The following SPATA16 variants were observed in gnomAD, a reference collection of about 807,000 sequenced individuals.
SPATA16 encodes the protein spermatogenesis associated 16.
In SPATA16, 36 loss-of-function variants were observed where a neutral mutation model predicts 63.3. That is an observed-to-expected ratio of 0.57 (90% CI 0.44 to 0.75). The LOEUF (loss-of-function observed/expected upper bound fraction) is 0.75. SPATA16 is among the 30% of genes least tolerant of loss of function. The probability of loss-of-function intolerance (pLI) is 0.00; values close to 1 mark genes in which losing one functional copy is unlikely to be tolerated. For missense variants in SPATA16, 646 were observed against 679.3 expected, an observed-to-expected ratio of 0.95 and a Z score of 0.54; for synonymous variants, 203 against 216.7, an observed-to-expected ratio of 0.94 and a Z score of 0.56.
intron 3 of SPATA16, among the ~76,000 whole-genome samples, chr3:173,021,339 G>A (rs1407783602): frequency 6.6e-6 from 1 of 152,106 alleles, no homozygotes; most frequent in Non-Finnish European, 1.5e-5. Context: ...CTTTCCTATG[G>A]TGATTTCTGA....
rs537028284 is a variant in SPATA16, at chr3:173,076,091, G to A, written c.613-26997C>T. The stretch of plus-strand genomic sequence containing the variant: ...GTAAAAAATAAAAAGTAAACAAGAA[G>A]GAAGAAGCAGGTTTAGCACATCTTA... On this transcript the variant is annotated intron_variant, in intron 2 of 10. Coordinates refer to ENST00000351008, the MANE Select transcript of SPATA16 (RefSeq NM_031955.6). Among the ~76,000 whole-genome samples, 4 of 152,034 alleles carry A rather than the reference G, an allele frequency of 2.6e-5. No individual in the cohort carries two copies. The South Asian group carries it at 6.2e-4, about 24-fold the overall frequency.
At chr3:173,014,461 G>A (rs1174915552) in intron 4 of SPATA16, among the ~76,000 whole-genome samples, 1 of 152,172 alleles carries the variant, frequency 6.6e-6, no homozygotes. Context: ...GGGCGTAAGG[G>A]TGGATAAACT....
At chr3:173,087,375 TG>T (rs1161692950) in intron 2 of SPATA16, among the ~76,000 whole-genome samples, 1 of 152,216 alleles carries the variant, frequency 6.6e-6, no homozygotes, top group Non-Finnish European at 1.5e-5. Context: ...TCCATTTGCT[TG>T]GTAAAGTTTC....
chr3:173,130,324 C>A (rs1012272006), intron 1 of SPATA16, among the ~76,000 whole-genome samples: 1 of 135,256 alleles, frequency 7.4e-6, no homozygotes, highest in African/African-American at 2.8e-5. Context: ...TGTGCCACTG[C>A]ACTCCAGCCT....
chr3:172,912,040 T>G (rs1306328680), intron 10 of SPATA16, among the ~76,000 whole-genome samples: 1 of 152,254 alleles, frequency 6.6e-6, no homozygotes, highest in African/African-American at 2.4e-5. Context: ...TAATTTCTCC[T>G]GCCTCTGCAC....
intron 2 of SPATA16, among the ~76,000 whole-genome samples, chr3:173,084,652 G>A (rs947012675): frequency 3.9e-5 from 6 of 152,094 alleles, no homozygotes; most frequent in African/African-American, 1.4e-4. Flanking sequence ...ATAGTTTTGG[G>A]TTTCACATTT....
At position 172,889,634 on chromosome 3, in the gene SPATA16, T is replaced by G; in HGVS notation, c.1646A>C (p.Lys549Thr). The G allele has an allele frequency of 6.2e-7, 1 of 1,613,838 alleles. No homozygotes were observed. Among genetic ancestry groups the G allele is most frequent in the Non-Finnish European group, 8.5e-7 (1 of 1,179,872 alleles). The change falls in exon 11 of 11, where the codon AAA becomes ACA. Residue 549 changes from lysine (K) to threonine (T), a missense_variant. Lys to Thr is a moderately conservative substitution (Grantham distance 78, BLOSUM62 -1). Transcript: ENST00000351008. ...QLEDSFLKTK[K>T]LRTARRQKTK... ...TTTTTGCCTTCGAGCAGTTCTCAGT[T>G]TTTTAGTTTTTAAGAAACTGTCCTC...
chr3:173,027,700 C>T (rs933156723), intron 3 of SPATA16, among the ~76,000 whole-genome samples: 1 of 151,802 alleles, frequency 6.6e-6, no homozygotes, highest in Admixed American at 6.6e-5. Context: ...CAGAACTCCT[C>T]TTGGTATCTT....
chr3:172,913,848 ATTT>A, intron 9 of SPATA16, 104 bp from the exon 10 acceptor site: 1 of 977,250 alleles, frequency 1.0e-6, no homozygotes, highest in Non-Finnish European at 1.6e-6. Context: ...TACGCTGATG[ATTT>A]TATTACTCAT....
At chr3:173,116,212 A>G (rs746709232) in intron 2 of SPATA16, among the ~76,000 whole-genome samples, 3 of 152,128 alleles carry the variant, frequency 2.0e-5, no homozygotes, top group Non-Finnish European at 2.9e-5. Context: ...CTTTATTTAA[A>G]TGTTTACTGG....
At chr3:173,096,181 G>A (rs1288323809) in intron 2 of SPATA16, among the ~76,000 whole-genome samples, 1 of 152,032 alleles carries the variant, frequency 6.6e-6, no homozygotes, top group Non-Finnish European at 1.5e-5. Flanking sequence ...TTTAGAGACA[G>A]TTACCTTAAG....
chr3:172,926,713 A>C (rs1419437144), intron 6 of SPATA16, among the ~76,000 whole-genome samples: 2 of 152,222 alleles, frequency 1.3e-5, no homozygotes, highest in African/African-American at 2.4e-5. Flanking sequence ...AAACATACCC[A>C]AGATCACGAA....
intron 2 of SPATA16, among the ~76,000 whole-genome samples, chr3:173,086,664 G>A (rs1011394625): frequency 6.6e-6 from 1 of 152,158 alleles, no homozygotes; most frequent in African/African-American, 2.4e-5. Flanking sequence ...GCTTTCTGAT[G>A]TGGGCATTTA....
At chr3:173,042,398 AT>A (rs1485004428) in intron 3 of SPATA16, among the ~76,000 whole-genome samples, 1 of 151,912 alleles carries the variant, frequency 6.6e-6, no homozygotes, top group Non-Finnish European at 1.5e-5. Context: ...CTAATTTTGT[AT>A]TTTTGGTAGA....
At chr3:173,103,376 T>C (rs937897803) in intron 2 of SPATA16, among the ~76,000 whole-genome samples, 1 of 152,240 alleles carries the variant, frequency 6.6e-6, no homozygotes, top group African/African-American at 2.4e-5. Context: ...GGGGGCTCTG[T>C]CCCTGCAGCA....
At chr3:172,985,687 T>G (rs926945869) in intron 4 of SPATA16, among the ~76,000 whole-genome samples, 1 of 152,168 alleles carries the variant, frequency 6.6e-6, no homozygotes. Flanking sequence ...TATTTTTAAA[T>G]AGTAATGAAG....
chr3:172,916,275 G>C, intron 9 of SPATA16, 42 bp downstream of exon 9: 1 of 1,592,190 alleles, frequency 6.3e-7, no homozygotes, highest in Non-Finnish European at 8.6e-7. Flanking sequence ...TTTTCTGTTG[G>C]CTCTGGGCCT....
chr3:173,019,970 T>C (rs187422261), intron 3 of SPATA16, among the ~76,000 whole-genome samples: 10 of 151,196 alleles, frequency 6.6e-5, no homozygotes, highest in Non-Finnish European at 1.5e-4. Context: ...AGAAAGAGAT[T>C]GTTAGTTGCT....
intron 4 of SPATA16, among the ~76,000 whole-genome samples, chr3:172,990,828 A>T (rs1190814338): frequency 6.6e-6 from 1 of 152,278 alleles, no homozygotes; most frequent in East Asian, 1.9e-4. Flanking sequence ...AGGTGAACTC[A>T]TTCCCCTTTT....
Sources: allele counts gnomAD v4.1 joint callset (sites outside exome capture counted in the v4.1 genomes callset), GRCh38; gene constraint gnomAD v4.1.1; transcripts MANE v1.5; gene names NCBI Gene and HGNC (gene_info 2026-07-23, HGNC 2026-07-21).